FAM149B1: variants seen among roughly 807,000 people sequenced by gnomAD.
FAM149B1 encodes the protein family with sequence similarity 149 member B1.
A neutral mutation model predicts 75.3 loss-of-function variants in FAM149B1; 56 were observed. The ratio of observed to expected loss-of-function variants is 0.74; its 90% CI spans 0.60 to 0.93. FAM149B1 has a LOEUF of 0.93. Among genes scored for constraint, FAM149B1 ranks in the 40% least tolerant of loss-of-function variants. The pLI is 0.00. For missense variants in FAM149B1, 639 were observed against 708.4 expected, an observed-to-expected ratio of 0.90 and a Z score of 1.11; for synonymous variants, 259 against 256.1, an observed-to-expected ratio of 1.01 and a Z score of -0.11.
intron 13 of FAM149B1, 61 bp downstream of exon 13, chr10:73,239,445 G>C (rs2043895155): frequency 7.7e-7 from 1 of 1,299,212 alleles, no homozygotes; most frequent in Non-Finnish European, 1.1e-6. Flanking sequence ...CCCAGCCTTT[G>C]TCTTTTTTCC....
chr10:73,220,326 A>G (rs1215179916), intron 7 of FAM149B1, among the ~76,000 whole-genome samples: 1 of 152,216 alleles, frequency 6.6e-6, no homozygotes, highest in Non-Finnish European at 1.5e-5. Context: ...CAGTGGAAAT[A>G]TAAAATGCTG....
intron 10 of FAM149B1, chr10:73,234,081 C>G (rs2043769198): frequency 6.6e-6 from 1 of 152,138 alleles, no homozygotes; most frequent in Admixed American, 6.6e-5. Flanking sequence ...TGTTGATTCA[C>G]AAAATGTCTT....
chr10:73,176,117 C>T (rs1275693218), intron 2 of FAM149B1, among the ~76,000 whole-genome samples: 5 of 152,026 alleles, frequency 3.3e-5, no homozygotes, highest in Non-Finnish European at 7.4e-5. Context: ...TAGATGGTTC[C>T]ATCCGGGGAT....
At chr10:73,203,494 C>T (rs145267035) in intron 5 of FAM149B1, among the ~76,000 whole-genome samples, 123 of 152,170 alleles carry the variant, frequency 8.1e-4, no homozygotes, top group African/African-American at 2.9e-3. Context: ...TTATTGTGGA[C>T]ATCTTCTATT....
At chr10:73,239,666 T>TA (rs201361133) in intron 13 of FAM149B1, among the ~76,000 whole-genome samples, 2 of 150,992 alleles carry the variant, frequency 1.3e-5, no homozygotes, top group Non-Finnish European at 2.9e-5. Flanking sequence ...TTTTTTTTTT[T>TA]AAATCTAAAA....
intron 3 of FAM149B1, among the ~76,000 whole-genome samples, chr10:73,180,857 TTC>T (rs991339393): frequency 2.0e-5 from 3 of 152,092 alleles, no homozygotes; most frequent in African/African-American, 4.8e-5. Flanking sequence ...TATTCATTCT[TTC>T]TGTTTTTTTT....
At chr10:73,220,271 C>G (rs1419022787) in intron 7 of FAM149B1, among the ~76,000 whole-genome samples, 1 of 151,788 alleles carries the variant, frequency 6.6e-6, no homozygotes, top group African/African-American at 2.4e-5. Flanking sequence ...AGAAAAATAA[C>G]AAGTGTTAGT....
chr10:73,203,514 ATTAAC>A (rs2042985507), intron 5 of FAM149B1, among the ~76,000 whole-genome samples: 1 of 152,172 alleles, frequency 6.6e-6, no homozygotes, highest in Admixed American at 6.5e-5. Context: ...TTTTCCCAAT[ATTAAC>A]TTAAGGACTT....
intron 3 of FAM149B1, among the ~76,000 whole-genome samples, chr10:73,181,955 T>C (rs998984037): frequency 2.0e-5 from 3 of 152,208 alleles, no homozygotes; most frequent in Non-Finnish European, 4.4e-5. Flanking sequence ...AAATTTGTTA[T>C]ATGTTCTTGC....
intron 1 of FAM149B1, 70 bp downstream of exon 1, chr10:73,168,456 C>G: frequency 1.3e-6 from 2 of 1,512,392 alleles, no homozygotes; most frequent in South Asian, 1.2e-5. Context: ...CTTGACCAGT[C>G]CTTCGTTCCT....
chr10:73,243,705 A>T lies in FAM149B1; in HGVS notation c.*2686A>T. ...TTTGTAAATACACTTAAAACCACCA[A>T]ATTGTACACTTTAAAAGGACAAATA... On this transcript the variant is annotated 3_prime_UTR_variant, in exon 14 of 14. Coordinates refer to ENST00000242505, the MANE Select transcript of FAM149B1 (RefSeq NM_173348.2). 1 of 1,103,980 alleles carries T rather than the reference A, an allele frequency of 9.1e-7. No homozygotes were observed. The highest frequency in any genetic ancestry group is 1.3e-6 in the Non-Finnish European group (1 of 769,710). The allele number at this position is 1,103,980 out of a possible 1,614,324, so 68.4% of individuals were successfully genotyped here.
Position 73,243,673 on chromosome 10 carries a change from G to A in FAM149B1, c.*2654G>A, listed in dbSNP as rs374658313. ...TGTCCTACAATTGGTGTTAATAATT[G>A]TAAAACTTTGTAAATACACTTAAAA... On this transcript the variant is annotated 3_prime_UTR_variant, in exon 14 of 14. Transcript: ENST00000242505. The A allele has an allele frequency of 1.5e-5, 17 of 1,152,544 alleles. 1 individual carries two copies. The highest frequency in any genetic ancestry group is 1.1e-4 in the African/African-American group (7 of 63,936). 71.4% of individuals were successfully genotyped at this position (1,152,544 alleles called of 1,614,324 possible).
chr10:73,222,469 T>C (rs2043440553), intron 7 of FAM149B1, among the ~76,000 whole-genome samples: 1 of 152,050 alleles, frequency 6.6e-6, no homozygotes, highest in African/African-American at 2.4e-5. Flanking sequence ...ATATGTGCAC[T>C]GATAGTACAT....
chr10:73,234,870 A>G lies in FAM149B1; in HGVS notation c.1406A>G (p.Asn469Ser), dbSNP rs1166321623. 6.4e-7 allele frequency: 1 copy of G among 1,551,834 alleles called. No homozygotes were observed. ...SSPSPTPLSR[N>S]NLLPPIGTAE... Reference sequence around the variant, plus strand: ...CCCTCACCGACGCCCCTGAGTCGAAATAATCTGCTACCACCTATTGGCACA... The same window carrying G: ...CCCTCACCGACGCCCCTGAGTCGAAGTAATCTGCTACCACCTATTGGCACA... The change falls in exon 11 of 14, where the codon AAT (asparagine) becomes AGT (serine). Residue 469 changes from asparagine to serine, a missense_variant. Asn to Ser is a conservative substitution (Grantham distance 46, BLOSUM62 1). Transcript: ENST00000242505.
chr10:73,230,609 T>G, intron 9 of FAM149B1, 84 bp downstream of exon 9: 1 of 769,220 alleles, frequency 1.3e-6, no homozygotes, highest in Non-Finnish European at 2.2e-6. Flanking sequence ...ATGCATGTAT[T>G]GAGTGCCAAC....
chr10:73,196,943 C>T (rs1407355765), intron 5 of FAM149B1, among the ~76,000 whole-genome samples: 1 of 152,190 alleles, frequency 6.6e-6, no homozygotes, highest in Admixed American at 6.5e-5. Context: ...GTATCTGTAA[C>T]ACCTAGGACA....
intron 7 of FAM149B1, among the ~76,000 whole-genome samples, chr10:73,213,175 A>G (rs2043225469): frequency 6.6e-6 from 1 of 151,998 alleles, no homozygotes; most frequent in African/African-American, 2.4e-5. Context: ...CCTTTTAAAT[A>G]GGGTTATTTA....
At position 73,168,384 on chromosome 10, in the gene FAM149B1, G is replaced by A. The variant is rs761930306; in HGVS notation, c.45G>A (p.Glu15=). The A allele has an allele frequency of 1.5e-5, 23 of 1,549,866 alleles. No homozygotes were observed. The highest frequency in any genetic ancestry group is 2.0e-5 in the Admixed American group (1 of 50,984). ...YTRKAVPQSL[E]LKGITKHALN... ...GGAAGGCGGTGCCACAGAGCTTGGA[G>A]CTGTGAGTGGACTGCTCAGCCACCC... Residue 15 remains glutamate, a splice_region_variant and synonymous_variant, in exon 1 of 14, where the codon GAG becomes GAA. Transcript: ENST00000242505.
intron 5 of FAM149B1, among the ~76,000 whole-genome samples, chr10:73,203,512 A>G (rs17737927): frequency 0.058 from 8,871 of 152,234 alleles, 352 homozygotes; most frequent in Middle Eastern, 0.11. Context: ...ATTTTTCCCA[A>G]TATTAACTTA....
Sources: gnomAD v4.1 joint callset for allele counts (sites outside exome capture counted in the v4.1 genomes callset) on GRCh38, gnomAD v4.1.1 for gene constraint, MANE v1.5 for transcripts, NCBI Gene and HGNC (gene_info 2026-07-23, HGNC 2026-07-21) for gene names.